RBFOX1: variants seen among roughly 807,000 people sequenced by gnomAD.
The protein encoded by RBFOX1 is RNA binding protein fox-1 homolog 1.
A neutral mutation model predicts 57.7 loss-of-function variants in RBFOX1; 8 were observed. The observed-to-expected ratio is 0.14, with a 90% CI of 0.08 to 0.25. The LOEUF (loss-of-function observed/expected upper bound fraction) is 0.25, where lower values mean the gene tolerates loss of function less well. Among genes scored for constraint, RBFOX1 ranks in the 10% least tolerant of loss-of-function variants. The pLI, the probability that RBFOX1 is intolerant of heterozygous loss-of-function variation, is 1.00. For missense variants in RBFOX1, 611 were observed against 548.5 expected, an observed-to-expected ratio of 1.11 and a Z score of -1.14; for synonymous variants, 326 against 222.4, an observed-to-expected ratio of 1.47 and a Z score of -4.15.
At chr16:5,492,331 A>G (rs2042862467) in intron 2 of RBFOX1, among the ~76,000 whole-genome samples, 1 of 152,192 alleles carries the variant, frequency 6.6e-6, no homozygotes, top group Non-Finnish European at 1.5e-5. Flanking sequence ...TTCACTTAGT[A>G]CTTCCTGCAC....
chr16:6,256,058 A>G, intron 1 of RBFOX1, among the ~76,000 whole-genome samples: 1 of 149,552 alleles, frequency 6.7e-6, no homozygotes, highest in African/African-American at 2.5e-5. Context: ...TTAAATAAAT[A>G]AGTAAATAAA....
At chr16:5,891,805 G>A (rs1365797652) in intron 4 of RBFOX1, among the ~76,000 whole-genome samples, 1 of 152,164 alleles carries the variant, frequency 6.6e-6, no homozygotes, top group Non-Finnish European at 1.5e-5. Context: ...TAGCCAGTGT[G>A]GTCAGCTGTT....
rs1180455837 is a variant in RBFOX1, at chr16:5,255,475, TCCACCTAA to T, written c.219+15378_219+15385del. Among the ~76,000 whole-genome samples the T allele has an allele frequency of 1.2e-3, 184 of 151,138 alleles. 1 individual carries two copies. Among genetic ancestry groups the T allele is most frequent in the African/African-American group, 4.2e-3 (175 of 41,238 alleles). On this transcript the variant is annotated intron_variant, in intron 1 of 2. Transcript: ENST00000585867. The stretch of plus-strand genomic sequence containing the variant: ...CACTCTCTTGTGCACCCAGCTATCA[TCCACCTAA>T]CCACCTACCAAACCATCTATCCATC...
At chr16:7,126,824 C>T (rs944225332) in intron 4 of RBFOX1, among the ~76,000 whole-genome samples, 4 of 151,670 alleles carry the variant, frequency 2.6e-5, no homozygotes, top group East Asian at 1.9e-4. Context: ...CTGGCCAATA[C>T]GGTGAAACCT....
intron 4 of RBFOX1, among the ~76,000 whole-genome samples, chr16:7,289,581 C>T (rs957306229): frequency 6.6e-6 from 1 of 151,996 alleles, no homozygotes; most frequent in African/African-American, 2.4e-5. Context: ...TTATCAGTGC[C>T]ATCATTACTA....
chr16:6,554,783 C>T (rs2097064566), intron 2 of RBFOX1, among the ~76,000 whole-genome samples: 1 of 146,324 alleles, frequency 6.8e-6, no homozygotes, highest in Non-Finnish European at 1.5e-5. Flanking sequence ...GGTACACAGA[C>T]ACACACACAG....
chr16:6,029,095 T>G, intron 1 of RBFOX1, among the ~76,000 whole-genome samples: 1 of 152,322 alleles, frequency 6.6e-6, no homozygotes, highest in Middle Eastern at 3.4e-3. Context: ...TTCTTATTTT[T>G]TTTTACCTTG....
At chr16:5,909,053 G>A (rs145152696) in intron 4 of RBFOX1, among the ~76,000 whole-genome samples, 287 of 145,448 alleles carry the variant, frequency 2.0e-3, no homozygotes, top group Non-Finnish European at 3.1e-3. Flanking sequence ...TTAGTTCATG[G>A]TATTTTATTA....
At chr16:7,324,549 G>T (rs922190769) in intron 4 of RBFOX1, among the ~76,000 whole-genome samples, 1 of 152,216 alleles carries the variant, frequency 6.6e-6, no homozygotes, top group African/African-American at 2.4e-5. Context: ...GTCGGTTCCT[G>T]AGGCATTGTT....
intron 3 of RBFOX1, among the ~76,000 whole-genome samples, chr16:5,764,797 A>T (rs1057048293): frequency 4.6e-5 from 7 of 151,728 alleles, no homozygotes; most frequent in Non-Finnish European, 8.8e-5. Flanking sequence ...AACCATCATC[A>T]TTTTTTTTAT....
chr16:6,880,328 G>A (rs995503323), intron 3 of RBFOX1, among the ~76,000 whole-genome samples: 1 of 152,180 alleles, frequency 6.6e-6, no homozygotes, highest in African/African-American at 2.4e-5. Context: ...GACAGCCTCT[G>A]TTGTTCCTGA....
rs149212391 is a variant in RBFOX1, at chr16:5,594,504, A to G, written c.259-4398A>G. On this transcript the variant is annotated intron_variant, in intron 2 of 2. Coordinates refer to the RBFOX1 transcript ENST00000585867. The stretch of plus-strand genomic sequence containing the variant: ...TTAGGGAGACATAAGACATCAATGC[A>G]TATGCAAGGTGAACATTGGTTTCTT... Among the ~76,000 whole-genome samples, 31 of 152,332 alleles carry G rather than the reference A, an allele frequency of 2.0e-4. No homozygotes were observed. In the East Asian group the frequency reaches 2.9e-3, roughly 14 times the overall value.
Position 7,283,019 on chromosome 16 carries a change from G to T in RBFOX1, c.27+230921G>T, listed in dbSNP as rs185107382. Among the ~76,000 whole-genome samples the T allele has an allele frequency of 2.7e-3, 404 of 152,246 alleles. 2 individuals carry two copies. Among genetic ancestry groups the T allele is most frequent in the Non-Finnish European group, 4.2e-3 (289 of 68,018 alleles). ...CACTCATTGGTTTATGGATGGGTTG[G>T]TTCCACATTTTTGCAATTGTGAATT... On this transcript the variant is annotated intron_variant, in intron 4 of 15. Transcript: ENST00000550418.
chr16:6,441,060 G>A (rs756340493), intron 2 of RBFOX1, among the ~76,000 whole-genome samples: 14 of 152,186 alleles, frequency 9.2e-5, no homozygotes, highest in Admixed American at 2.0e-4. Flanking sequence ...TGAGTGCACC[G>A]TCCAAGAGTG....
chr16:5,772,892 G>A (rs1321560499), intron 3 of RBFOX1, among the ~76,000 whole-genome samples: 2 of 152,202 alleles, frequency 1.3e-5, no homozygotes, highest in African/African-American at 4.8e-5. Flanking sequence ...AGTAAGATGA[G>A]GGAGCTGGTT....
chr16:6,115,305 C>A (rs755209241), intron 1 of RBFOX1, among the ~76,000 whole-genome samples: 3 of 152,152 alleles, frequency 2.0e-5, no homozygotes, highest in Non-Finnish European at 4.4e-5. Context: ...TTCACTGCCC[C>A]TTAGAATGTA....
At chr16:7,595,425 T>C in intron 7 of RBFOX1, 124 bp from the exon 8 acceptor site, 2 of 640,230 alleles carry the variant, frequency 3.1e-6, no homozygotes, top group Non-Finnish European at 5.0e-6. Flanking sequence ...ATTTCTCTAA[T>C]TTGCATGTTA....
chr16:7,308,251 G>A (rs113270243), intron 4 of RBFOX1, among the ~76,000 whole-genome samples: 5,714 of 150,688 alleles, frequency 0.038, 367 homozygotes, highest in African/African-American at 0.13. Context: ...TGGATGATGA[G>A]ATTCGTTTTC....
rs146985850 is a variant in RBFOX1 at position 6,931,596 on chromosome 16, C to G, written c.-15-120461C>G. 3.8e-4 allele frequency among the ~76,000 whole-genome samples: 58 copies of G among 152,186 alleles called. 1 individual carries two copies. The highest frequency in any genetic ancestry group is 1.3e-3 in the African/African-American group (53 of 41,532). On this transcript the variant is annotated intron_variant, in intron 3 of 15. Coordinates refer to ENST00000550418, the MANE Select transcript of RBFOX1 (RefSeq NM_018723.4). ...TGCCACCCTACAATGGACAACATAT[C>G]CCACCCCACAACCACCACAATGCTT... is the stretch of plus-strand genomic sequence containing the variant.
Sources: gnomAD v4.1 joint callset for allele counts (sites outside exome capture counted in the v4.1 genomes callset) on GRCh38, gnomAD v4.1.1 for gene constraint, MANE v1.5 for transcripts, NCBI Gene and HGNC (gene_info 2026-07-23, HGNC 2026-07-21) for gene names.